The following SLC9A2 variants were observed in gnomAD, a reference collection of about 807,000 sequenced individuals.
SLC9A2 encodes solute carrier family 9 member A2, also known as sodium/hydrogen exchanger 2.
SLC9A2 carries 42 observed loss-of-function variants against 71.7 expected under a neutral mutation model. That is an observed-to-expected ratio of 0.59 (90% CI 0.46 to 0.76). The LOEUF is 0.76. Ranked by LOEUF, SLC9A2 falls within the 30% of genes least tolerant of loss-of-function variation. The probability of loss-of-function intolerance (pLI) is 0.00; values close to 1 mark genes in which losing one functional copy is unlikely to be tolerated. For missense variants in SLC9A2, 829 were observed against 1,017.4 expected (o/e 0.81, Z 2.52); for synonymous variants, 396 against 392.5 (o/e 1.01, Z -0.10).
chr2:102,700,848 TACAC>T (rs1257083553), intron 7 of SLC9A2, among the ~76,000 whole-genome samples: 4 of 151,936 alleles, frequency 2.6e-5, no homozygotes, highest in African/African-American at 7.3e-5. Context: ...TATGTATACA[TACAC>T]ATACATATAC....
rs567875040 is a variant in SLC9A2 at position 102,647,332 on chromosome 2, G to A, written c.290-10232G>A. ...AGACACAAGGTACCAGAATCTCTGG[G>A]ACACAGTAAAGCAGCATTAAGAGGG... On this transcript the variant is annotated intron_variant, in intron 1 of 11. Transcript: ENST00000233969. 3.9e-5 allele frequency among the ~76,000 whole-genome samples: 6 copies of A among 152,270 alleles called. No homozygotes were observed. In the East Asian group the frequency reaches 1.2e-3, roughly 29 times the overall value.
chr2:102,649,791 GGTGATCATTAAAAA>G (rs1676797071), intron 1 of SLC9A2, among the ~76,000 whole-genome samples: 1 of 152,070 alleles, frequency 6.6e-6, no homozygotes, highest in East Asian at 1.9e-4. Flanking sequence ...CAGTTAGAAT[GGTGATCATTAAAAA>G]GTTAGGAAAC....
intron 3 of SLC9A2, among the ~76,000 whole-genome samples, chr2:102,674,146 C>T (rs910909273): frequency 6.6e-6 from 1 of 152,120 alleles, no homozygotes; most frequent in South Asian, 2.1e-4. Flanking sequence ...TGTACACTTA[C>T]CACCCAGCTA....
At chr2:102,639,407 A>G (rs1315386205) in intron 1 of SLC9A2, among the ~76,000 whole-genome samples, 3 of 152,210 alleles carry the variant, frequency 2.0e-5, no homozygotes, top group Non-Finnish European at 4.4e-5. Context: ...CACGTTTTAT[A>G]TCAACATTTG....
chr2:102,621,051 G>T (rs550123326), intron 1 of SLC9A2, among the ~76,000 whole-genome samples: 3 of 151,594 alleles, frequency 2.0e-5, no homozygotes, highest in Non-Finnish European at 2.9e-5. Context: ...CAGCTACTCG[G>T]GAGGCTGAGG....
chr2:102,643,237 C>A (rs889538326), intron 1 of SLC9A2, among the ~76,000 whole-genome samples: 2 of 152,160 alleles, frequency 1.3e-5, no homozygotes, highest in Non-Finnish European at 2.9e-5. Flanking sequence ...CTCATTATCA[C>A]CCAGCAGAGA....
chr2:102,653,369 C>G (rs865916613), intron 1 of SLC9A2, among the ~76,000 whole-genome samples: 2 of 152,142 alleles, frequency 1.3e-5, no homozygotes, highest in African/African-American at 2.4e-5. Flanking sequence ...GTTGCTGTTC[C>G]TCTCTGATTT....
intron 1 of SLC9A2, among the ~76,000 whole-genome samples, chr2:102,645,131 C>A (rs1676695383): frequency 6.6e-6 from 1 of 152,254 alleles, no homozygotes; most frequent in Non-Finnish European, 1.5e-5. Flanking sequence ...TGTTCTGCAG[C>A]CTCCGCTGGT....
intron 1 of SLC9A2, among the ~76,000 whole-genome samples, chr2:102,624,172 G>C (rs969857160): frequency 5.3e-5 from 8 of 152,152 alleles, no homozygotes; most frequent in African/African-American, 1.9e-4. Context: ...TATGAAGTAG[G>C]TCAAAATATT....
At chr2:102,650,456 C>T (rs1676810711) in intron 1 of SLC9A2, among the ~76,000 whole-genome samples, 1 of 152,012 alleles carries the variant, frequency 6.6e-6, no homozygotes, top group South Asian at 2.1e-4. Flanking sequence ...CAAACCTGCA[C>T]CTTCTGCACA....
chr2:102,680,304 T>C (rs1677428888), intron 3 of SLC9A2, among the ~76,000 whole-genome samples: 1 of 152,140 alleles, frequency 6.6e-6, no homozygotes, highest in Non-Finnish European at 1.5e-5. Flanking sequence ...CCTTGATACT[T>C]TGTATTGGAG....
At chr2:102,681,740 A>T (rs979353003) in intron 3 of SLC9A2, among the ~76,000 whole-genome samples, 1 of 152,244 alleles carries the variant, frequency 6.6e-6, no homozygotes, top group Non-Finnish European at 1.5e-5. Context: ...ATACCCACTT[A>T]TTCTGGGGAC....
At chr2:102,702,963 A>G (rs989148917) in intron 9 of SLC9A2, among the ~76,000 whole-genome samples, 2 of 152,088 alleles carry the variant, frequency 1.3e-5, no homozygotes, top group Non-Finnish European at 2.9e-5. Flanking sequence ...AGTGTCCTCA[A>G]TTTTCCAAGC....
chr2:102,701,260 G>A (rs985738731), intron 8 of SLC9A2, 29 bp downstream of exon 8: 1 of 1,518,664 alleles, frequency 6.6e-7, no homozygotes, highest in Non-Finnish European at 8.9e-7. Flanking sequence ...ATAAAAGTTA[G>A]TATTGTTAAA....
chr2:102,708,622 A>G lies in SLC9A2; in HGVS notation c.*133A>G. ...AATACTTCTGGAGGGCGACAGATTC[A>G]TGCCACGGATAAATGAGGCAAATCC... is the stretch of plus-strand genomic sequence containing the variant. On this transcript the variant is annotated 3_prime_UTR_variant, in exon 12 of 12. Coordinates refer to ENST00000233969, the MANE Select transcript of SLC9A2 (RefSeq NM_003048.6). 6.6e-6 allele frequency: 7 copies of G among 1,061,590 alleles called. No individual in the cohort carries two copies. The highest frequency in any genetic ancestry group is 9.4e-6 in the Non-Finnish European group (7 of 741,722). The allele number at this position is 1,061,590 out of a possible 1,614,324, so 65.8% of individuals were successfully genotyped here.
At chr2:102,676,923 C>T (rs1677355285) in intron 3 of SLC9A2, among the ~76,000 whole-genome samples, 1 of 152,186 alleles carries the variant, frequency 6.6e-6, no homozygotes, top group African/African-American at 2.4e-5. Flanking sequence ...GTGATACTTT[C>T]CTGCAATTGA....
At chr2:102,697,053 C>T (rs113344004) in intron 7 of SLC9A2, among the ~76,000 whole-genome samples, 2 of 152,258 alleles carry the variant, frequency 1.3e-5, no homozygotes, top group African/African-American at 4.8e-5. Context: ...TACCTTGTTC[C>T]TTTCAACTCA....
intron 10 of SLC9A2, 42 bp downstream of exon 10, chr2:102,704,717 C>G: frequency 6.3e-7 from 1 of 1,590,860 alleles, no homozygotes. Flanking sequence ...AGGGGTGGAG[C>G]CGACAGCTAT....
intron 3 of SLC9A2, among the ~76,000 whole-genome samples, chr2:102,670,307 C>T (rs547086836): frequency 3.7e-4 from 57 of 152,094 alleles, no homozygotes; most frequent in African/African-American, 1.3e-3. Context: ...GGAGCCACCA[C>T]GCCCGGCCGT....
Sources: allele counts gnomAD v4.1 joint callset (sites outside exome capture counted in the v4.1 genomes callset), GRCh38; gene constraint gnomAD v4.1.1; transcripts MANE v1.5; gene names NCBI Gene and HGNC (gene_info 2026-07-23, HGNC 2026-07-21).